SOX6: variants seen among roughly 807,000 people sequenced by gnomAD.
SOX6 encodes transcription factor SOX-6.
SOX6 carries 11 observed loss-of-function variants against 97.8 expected under a neutral mutation model. That is an observed-to-expected ratio of 0.11 (90% CI 0.07 to 0.19). SOX6 has a LOEUF of 0.19. Among genes scored for constraint, SOX6 ranks in the 10% least tolerant of loss-of-function variants. SOX6 has a pLI of 1.00. For missense variants in SOX6, 810 were observed against 1,039.5 expected (o/e 0.78, Z 3.04); for synonymous variants, 360 against 371.4 (o/e 0.97, Z 0.35).
intron 1 of SOX6, among the ~76,000 whole-genome samples, chr11:16,467,116 A>C (rs1008475899): frequency 3.3e-5 from 5 of 152,314 alleles, no homozygotes; most frequent in Middle Eastern, 3.4e-3. Flanking sequence ...AAGAATGGCT[A>C]TTATTAAAAA....
chr11:16,087,664 T>A (rs1482990329), intron 9 of SOX6, among the ~76,000 whole-genome samples: 1 of 152,068 alleles, frequency 6.6e-6, no homozygotes, highest in Non-Finnish European at 1.5e-5. Flanking sequence ...GTCTTAATTT[T>A]AAAAAATTTT....
intron 1 of SOX6, among the ~76,000 whole-genome samples, chr11:16,439,060 T>G (rs1859447223): frequency 6.6e-6 from 1 of 152,170 alleles, no homozygotes; most frequent in Non-Finnish European, 1.5e-5. Context: ...TTTTCTTCAC[T>G]CTTCATAATC....
At chr11:16,700,156 G>A (rs950465801) in intron 3 of SOX6, among the ~76,000 whole-genome samples, 8 of 151,936 alleles carry the variant, frequency 5.3e-5, no homozygotes, top group Non-Finnish European at 1.0e-4. Flanking sequence ...AGAGAAATCA[G>A]GAAAAGCTTC....
chr11:16,052,181 T>C (rs1050101528), intron 10 of SOX6, among the ~76,000 whole-genome samples: 1 of 152,126 alleles, frequency 6.6e-6, no homozygotes, highest in Non-Finnish European at 1.5e-5. Flanking sequence ...CTTTAACCAA[T>C]AATACCACTG....
intron 1 of SOX6, among the ~76,000 whole-genome samples, chr11:16,446,745 G>C (rs942340432): frequency 2.0e-5 from 3 of 152,010 alleles, no homozygotes; most frequent in Non-Finnish European, 4.4e-5. Context: ...ATACTGGCCT[G>C]TAGCATAAGA....
At chr11:16,005,189 A>C (rs1854510334) in intron 13 of SOX6, among the ~76,000 whole-genome samples, 1 of 151,948 alleles carries the variant, frequency 6.6e-6, no homozygotes, top group Admixed American at 6.6e-5. Flanking sequence ...TACTAAATAA[A>C]CCCATAAGTT....
At chr11:16,438,752 C>A (rs1191121978) in intron 1 of SOX6, among the ~76,000 whole-genome samples, 1 of 151,904 alleles carries the variant, frequency 6.6e-6, no homozygotes, top group Non-Finnish European at 1.5e-5. Context: ...GCAGATTTCC[C>A]TTCCTTCCCT....
intron 4 of SOX6, among the ~76,000 whole-genome samples, chr11:16,198,815 C>T (rs1256058396): frequency 6.6e-6 from 1 of 152,198 alleles, no homozygotes; most frequent in Non-Finnish European, 1.5e-5. Flanking sequence ...CTACTACACT[C>T]TCTTTGCTCC....
intron 4 of SOX6, among the ~76,000 whole-genome samples, chr11:16,205,675 GA>G (rs145186127): frequency 0.058 from 8,874 of 151,858 alleles, 647 homozygotes; most frequent in East Asian, 0.37. Context: ...CAGAGAAGTA[GA>G]AAAAAATTAA....
intron 12 of SOX6, among the ~76,000 whole-genome samples, chr11:16,022,534 C>G (rs762518276): frequency 6.6e-6 from 1 of 152,174 alleles, no homozygotes; most frequent in Non-Finnish European, 1.5e-5. Context: ...ACCTCAGCCT[C>G]CCAAGTAGCT....
At chr11:16,266,356 T>C (rs1256923737) in intron 3 of SOX6, among the ~76,000 whole-genome samples, 3 of 151,398 alleles carry the variant, frequency 2.0e-5, no homozygotes, top group Non-Finnish European at 4.4e-5. Flanking sequence ...AAAGATGAAA[T>C]AAAAAATTTT....
chr11:16,049,879 T>C lies in SOX6; in HGVS notation c.1311A>G (p.Val437=). The change falls in exon 11 of 16, where the codon GTA becomes GTG. Residue 437 remains valine (V), a synonymous_variant. Coordinates refer to ENST00000683767, the MANE Select transcript of SOX6 (RefSeq NM_001367873.1). ...LSSRPKTAEP[V]KSPTSPTQNL... ...TCTGGGTGGGAGACGTTGGGGACTT[T>C]ACAGGCTCTGCTGTCTTGGGTCGGG... 1 of 1,613,712 alleles carries C rather than the reference T, an allele frequency of 6.2e-7. No homozygotes were observed. Among genetic ancestry groups the C allele is most frequent in the Non-Finnish European group, 8.5e-7 (1 of 1,179,754 alleles).
chr11:16,707,007 T>G (rs1036489932), intron 3 of SOX6, among the ~76,000 whole-genome samples: 1 of 152,178 alleles, frequency 6.6e-6, no homozygotes, highest in African/African-American at 2.4e-5. Context: ...TCCATAATAG[T>G]GTTATCACTT....
chr11:16,710,556 T>G (rs1193785208), intron 3 of SOX6, among the ~76,000 whole-genome samples: 1 of 152,214 alleles, frequency 6.6e-6, no homozygotes, highest in East Asian at 1.9e-4. Flanking sequence ...CTCCAAATAC[T>G]GTATCTCCTG....
chr11:16,060,313 G>A (rs1354488570), intron 9 of SOX6, among the ~76,000 whole-genome samples: 1 of 151,756 alleles, frequency 6.6e-6, no homozygotes, highest in East Asian at 1.9e-4. Flanking sequence ...CCTAAGGAAG[G>A]CAAGACCACA....
intron 3 of SOX6, among the ~76,000 whole-genome samples, chr11:16,241,003 C>T (rs1264146257): frequency 3.4e-5 from 2 of 58,738 alleles, no homozygotes; most frequent in East Asian, 4.6e-4. Context: ...TGAAGTAAGA[C>T]ACTCTAATTC....
intron 1 of SOX6, among the ~76,000 whole-genome samples, chr11:16,365,630 C>T: frequency 6.6e-6 from 1 of 152,082 alleles, no homozygotes; most frequent in Non-Finnish European, 1.5e-5. Flanking sequence ...AAATCCAATG[C>T]ACTGAGGCTT....
At chr11:16,327,708 GGA>G (rs1349391216) in intron 2 of SOX6, among the ~76,000 whole-genome samples, 4 of 152,088 alleles carry the variant, frequency 2.6e-5, no homozygotes, top group Non-Finnish European at 5.9e-5. Context: ...TGCAAGCAGA[GGA>G]GAACAGTGGG....
intron 4 of SOX6, among the ~76,000 whole-genome samples, chr11:16,187,987 G>T (rs1282790469): frequency 1.3e-5 from 2 of 152,100 alleles, no homozygotes; most frequent in Non-Finnish European, 1.5e-5. Flanking sequence ...TGTGCAGAAG[G>T]AGAGACTTCC....
Sources: allele counts gnomAD v4.1 joint callset (sites outside exome capture counted in the v4.1 genomes callset), GRCh38; gene constraint gnomAD v4.1.1; transcripts MANE v1.5; gene names NCBI Gene and HGNC (gene_info 2026-07-23, HGNC 2026-07-21).